Variants in SNX8 observed in about 807,000 individuals in gnomAD.
The protein encoded by SNX8 is sorting nexin-8.
A neutral mutation model predicts 51.6 loss-of-function variants in SNX8; 25 were observed. The ratio of observed to expected loss-of-function variants is 0.48; its 90% CI spans 0.35 to 0.68. The LOEUF (loss-of-function observed/expected upper bound fraction) is 0.68, where lower values mean the gene tolerates loss of function less well. Ranked by LOEUF, SNX8 falls within the 30% of genes least tolerant of loss-of-function variation. The probability of loss-of-function intolerance (pLI) is 0.00; values close to 1 mark genes in which losing one functional copy is unlikely to be tolerated. For synonymous variants in SNX8, 324 were observed against 277.0 expected, an observed-to-expected ratio of 1.17 and a Z score of -1.68; for missense variants, 695 against 624.0, an observed-to-expected ratio of 1.11 and a Z score of -1.21.
chr7:2,304,232 A>C lies in SNX8; in HGVS notation c.94+10096T>G, dbSNP rs1051863445. On this transcript the variant is annotated intron_variant, in intron 1 of 10. Transcript: ENST00000222990. ...ATTCTCCCACCCCTGCTCTGCAAAG[A>C]AGGACCGACTACACATAAATCCATC... Among the ~76,000 whole-genome samples the C allele has an allele frequency of 9.3e-5, 14 of 150,996 alleles. No individual in the cohort carries two copies. In the East Asian group the frequency reaches 2.7e-3, roughly 30 times the overall value.
rs377394595 is a variant in SNX8 at position 2,255,183 on chromosome 7, G to A, written c.1285-14C>T. The A allele has an allele frequency of 2.3e-4, 341 of 1,498,246 alleles. No homozygotes were observed. Among genetic ancestry groups the A allele is most frequent in the Admixed American group, 4.3e-4 (21 of 48,508 alleles). The allele number at this position is 1,498,246 out of a possible 1,614,324, so 92.8% of individuals were successfully genotyped here. A position where few individuals can be genotyped will look rare whatever the true frequency, so the allele number is the denominator to read the frequency against. On this transcript the variant is annotated splice_polypyrimidine_tract_variant and intron_variant, in intron 10 of 10. Coordinates refer to ENST00000222990, the MANE Select transcript of SNX8 (RefSeq NM_013321.4). The stretch of plus-strand genomic sequence containing the variant: ...CACCTTGCTCATCTGAAAGGGAAGC[G>A]AAGAGAACAAGATCAGCAGGCGGGG...
At chr7:2,266,637 G>A (rs1206178062) in intron 5 of SNX8, among the ~76,000 whole-genome samples, 2 of 152,108 alleles carry the variant, frequency 1.3e-5, no homozygotes, top group African/African-American at 2.4e-5. Flanking sequence ...AAGCCACCAC[G>A]CCCGGCCGGT....
intron 7 of SNX8, among the ~76,000 whole-genome samples, chr7:2,260,278 A>G (rs1048192539): frequency 6.6e-6 from 1 of 152,112 alleles, no homozygotes; most frequent in Non-Finnish European, 1.5e-5. Context: ...TTGTATTTTT[A>G]GTAGAGATGG....
chr7:2,319,731 T>A (rs1489545748), intron 1 of SNX8, among the ~76,000 whole-genome samples: 1 of 129,542 alleles, frequency 7.7e-6, no homozygotes, highest in Non-Finnish European at 1.6e-5. Context: ...AGGAGAATGG[T>A]GCGAACCTGG....
rs144465573 is a variant in SNX8, at chr7:2,255,077, C to A, written c.1377G>T (p.Glu459Asp). Residue 459 changes from glutamate to aspartate, a missense_variant, in exon 11 of 11, where the codon GAG (glutamate) becomes GAT (aspartate). By Grantham distance (45) the Glu-to-Asp change is conservative (BLOSUM62 2). Coordinates refer to ENST00000222990, the MANE Select transcript of SNX8 (RefSeq NM_013321.4). ...STLTPPCSPP[E>D]DGLCPH ...GGCGCTAGTGAGGACACAGGCCGTCCTCCGGCGGGGAGCACGGTGGGGTCA... is the reference window on the plus strand; with the variant it reads ...GGCGCTAGTGAGGACACAGGCCGTCATCCGGCGGGGAGCACGGTGGGGTCA... The A allele has an allele frequency of 2.5e-6, 4 of 1,575,208 alleles. No individual in the cohort carries two copies. The South Asian group carries it at 3.5e-5, about 14-fold the overall frequency.
chr7:2,266,163 G>GT (rs1397430423), intron 5 of SNX8, among the ~76,000 whole-genome samples: 1 of 152,042 alleles, frequency 6.6e-6, no homozygotes, highest in African/African-American at 2.4e-5. Context: ...GAAGAAGCAG[G>GT]TTTTTTTCTG....
intron 2 of SNX8, among the ~76,000 whole-genome samples, chr7:2,277,446 A>G (rs1206386190): frequency 3.9e-5 from 6 of 152,152 alleles, no homozygotes; most frequent in African/African-American, 1.4e-4. Context: ...ACTATTACAA[A>G]GCGAGGCTGG....
In SNX8 at chr7:2,256,864, G is replaced by A; in HGVS notation, c.1284+10C>T. 1 of 1,608,438 alleles carries A rather than the reference G, an allele frequency of 6.2e-7. No homozygotes were observed. The highest frequency in any genetic ancestry group is 8.5e-7 in the Non-Finnish European group (1 of 1,176,918). ...TGGCCGAGACGGCGGCCGGAGCAGG[G>A]CGGACTCACCTCCTTGTGCCCTTGG... On this transcript the variant is annotated intron_variant, in intron 10 of 10. Coordinates refer to ENST00000222990, the MANE Select transcript of SNX8 (RefSeq NM_013321.4).
rs374008348 is a variant in SNX8 at position 2,308,687 on chromosome 7, A to AGG, written c.94+5639_94+5640dup. ...TCTCAAAAAAAAAAAAAAAAAAAAA[A>AGG]GGGTCATGGAAGGGAGCGAAATGGG... On this transcript the variant is annotated intron_variant, in intron 1 of 10. Coordinates refer to ENST00000222990, the MANE Select transcript of SNX8 (RefSeq NM_013321.4). 7.8e-5 allele frequency among the ~76,000 whole-genome samples: 11 copies of AGG among 141,016 alleles called. No homozygotes were observed. The South Asian group carries it at 1.1e-3, about 14-fold the overall frequency. 92.5% of individuals were successfully genotyped at this position (141,016 alleles called of 152,430 possible).
At chr7:2,280,477 C>CAA (rs1168122413) in intron 1 of SNX8, among the ~76,000 whole-genome samples, 1 of 120,322 alleles carries the variant, frequency 8.3e-6, no homozygotes, top group African/African-American at 3.0e-5. Context: ...GACTCTGTCT[C>CAA]AAAAAAAAAA....
At chr7:2,308,396 G>A (rs879687285) in intron 1 of SNX8, among the ~76,000 whole-genome samples, 3 of 152,016 alleles carry the variant, frequency 2.0e-5, no homozygotes, top group Non-Finnish European at 4.4e-5. Flanking sequence ...GGCCAGTCAC[G>A]GTGGCTCACA....
At chr7:2,270,363 C>G (rs960201403) in intron 4 of SNX8, among the ~76,000 whole-genome samples, 2 of 130,052 alleles carry the variant, frequency 1.5e-5, no homozygotes, top group East Asian at 2.5e-4. Context: ...CAGCATGGTG[C>G]GTGCCTGTAG....
At chr7:2,348,950 C>CAAAAAAA (rs60816121) in intron 1 of SNX8, among the ~76,000 whole-genome samples, 1 of 55,724 alleles carries the variant, frequency 1.8e-5, no homozygotes, top group Non-Finnish European at 3.3e-5. Context: ...GACTCTGTCT[C>CAAAAAAA]AAAAAAAAAA....
chr7:2,335,660 G>A (rs1163899675), intron 1 of SNX8, among the ~76,000 whole-genome samples: 2 of 151,996 alleles, frequency 1.3e-5, no homozygotes, highest in Non-Finnish European at 2.9e-5. Context: ...AAAATTAGCT[G>A]GGCGTGGTGG....
chr7:2,282,670 G>A (rs1037434635), intron 1 of SNX8, among the ~76,000 whole-genome samples: 3 of 152,168 alleles, frequency 2.0e-5, no homozygotes, highest in Admixed American at 1.3e-4. Flanking sequence ...CCCAGAGACC[G>A]CAGCTTTAGA....
At chr7:2,335,419 C>T (rs1221662612) in intron 1 of SNX8, among the ~76,000 whole-genome samples, 2 of 151,874 alleles carry the variant, frequency 1.3e-5, no homozygotes, top group East Asian at 3.9e-4. Context: ...GAGGCCTAGG[C>T]GAGAACATTG....
At chr7:2,303,876 G>T (rs1796477025) in intron 1 of SNX8, among the ~76,000 whole-genome samples, 1 of 151,578 alleles carries the variant, frequency 6.6e-6, no homozygotes, top group African/African-American at 2.4e-5. Context: ...GTGTTTATCT[G>T]CCGACCTTCC....
chr7:2,269,463 T>C (rs949539284), intron 5 of SNX8, 96 bp downstream of exon 5: 16 of 629,178 alleles, frequency 2.5e-5, no homozygotes, highest in Non-Finnish European at 4.0e-5. Flanking sequence ...TATTGTCCCA[T>C]GACCCTGCCA....
At chr7:2,301,296 G>A (rs531424313) in intron 1 of SNX8, among the ~76,000 whole-genome samples, 5 of 151,586 alleles carry the variant, frequency 3.3e-5, no homozygotes, top group African/African-American at 1.2e-4. Context: ...CACACCTGGT[G>A]TGAATCCCAG....
Sources: allele counts gnomAD v4.1 joint callset (sites outside exome capture counted in the v4.1 genomes callset), GRCh38; gene constraint gnomAD v4.1.1; transcripts MANE v1.5; gene names NCBI Gene and HGNC (gene_info 2026-07-23, HGNC 2026-07-21).